The following ARHGAP35 variants were observed in gnomAD, a reference collection of about 807,000 sequenced individuals.
ARHGAP35 encodes rho GTPase-activating protein 35.
In ARHGAP35, 15 loss-of-function variants were observed where a neutral mutation model predicts 111.1. The observed-to-expected ratio is 0.13, with a 90% confidence interval of 0.09 to 0.21. The LOEUF (loss-of-function observed/expected upper bound fraction) is 0.21. Among genes scored for constraint, ARHGAP35 ranks in the 10% least tolerant of loss-of-function variants. ARHGAP35 has a pLI of 1.00. For missense variants in ARHGAP35, 1,262 were observed against 1,873.0 expected (o/e 0.67, Z 6.02); for synonymous variants, 643 against 710.3 (o/e 0.91, Z 1.51).
intron 1 of ARHGAP35, among the ~76,000 whole-genome samples, chr19:46,880,618 T>C (rs925077442): frequency 6.6e-6 from 1 of 152,152 alleles, no homozygotes; most frequent in Non-Finnish European, 1.5e-5. Flanking sequence ...TCCAAATTCC[T>C]GTTAATGTTG....
Position 46,999,106 on chromosome 19 carries a change from C to T in ARHGAP35, c.4037-198C>T. Reference sequence around the variant, plus strand: ...CGCCCTTCAGCGGGGGCCTGGGACACAGAGGTGGGCCAGACCCCTGGGCCA... The same window carrying T: ...CGCCCTTCAGCGGGGGCCTGGGACATAGAGGTGGGCCAGACCCCTGGGCCA... On this transcript the variant is annotated intron_variant, in intron 5 of 6. Coordinates refer to ENST00000672722, the MANE Select transcript of ARHGAP35 (RefSeq NM_004491.5). This position sits in a 1 kb window ranked among gnomAD's most constrained non-coding sequence, Gnocchi z 5.4. 1.7e-6 allele frequency: 1 copy of T among 571,780 alleles called. No individual in the cohort carries two copies. The highest frequency in any genetic ancestry group is 3.1e-6 in the Non-Finnish European group (1 of 321,556). The allele number at this position is 571,780 out of a possible 1,614,324, so 35.4% of individuals were successfully genotyped here. A position where few individuals can be genotyped will look rare whatever the true frequency, so the allele number is the denominator to read the frequency against.
chr19:46,928,229 T>TA (rs555299788), intron 2 of ARHGAP35, among the ~76,000 whole-genome samples: 1 of 151,610 alleles, frequency 6.6e-6, no homozygotes, highest in African/African-American at 2.4e-5. Context: ...TACCTGTTCT[T>TA]AAAAAAAAAT....
intron 3 of ARHGAP35, among the ~76,000 whole-genome samples, chr19:46,939,363 G>T (rs2056330899): frequency 1.4e-5 from 2 of 147,812 alleles, no homozygotes; most frequent in South Asian, 4.3e-4. Context: ...GGTGTGATAT[G>T]CACCTTTACA....
Position 46,921,762 on chromosome 19 carries a change from T to C in ARHGAP35, c.3087T>C (p.Phe1029=). ...GGCTGTCTTTCATTATGAGCAATTT[T>C]GAGAGTAAACTGAACAACAAAGTAC... ...NDGLSFIMSN[F]ESKLNNKVPP... is the part of the protein sequence containing the mutation. The change falls in exon 2 of 7, where the codon TTT becomes TTC. Residue 1029 remains phenylalanine, a synonymous_variant. Coordinates refer to ENST00000672722, the MANE Select transcript of ARHGAP35 (RefSeq NM_004491.5). This position sits in a 1 kb window ranked among gnomAD's most constrained non-coding sequence, Gnocchi z 4.3. 6.2e-7 allele frequency: 1 copy of C among 1,614,022 alleles called. No individual in the cohort carries two copies. Among genetic ancestry groups the C allele is most frequent in the Non-Finnish European group, 8.5e-7 (1 of 1,179,888 alleles).
intron 1 of ARHGAP35, among the ~76,000 whole-genome samples, chr19:46,906,734 A>G (rs371511105): frequency 1.3e-5 from 2 of 152,206 alleles, no homozygotes; most frequent in East Asian, 3.8e-4. Flanking sequence ...ATATCTCCTT[A>G]GTCTCAAAGC....
chr19:46,917,254 T>A (rs1258291841), intron 1 of ARHGAP35, among the ~76,000 whole-genome samples: 1 of 152,218 alleles, frequency 6.6e-6, no homozygotes, highest in Non-Finnish European at 1.5e-5. Flanking sequence ...TTTTTGTGAC[T>A]GGCTTATTTC....
chr19:46,921,019 C>G lies in ARHGAP35; in HGVS notation c.2344C>G (p.Leu782Val). 1 of 1,614,002 alleles carries G rather than the reference C, an allele frequency of 6.2e-7. No individual in the cohort carries two copies. The highest frequency in any genetic ancestry group is 8.5e-7 in the Non-Finnish European group (1 of 1,179,902). ...ASIKDLADVD[L>V]RIVMCLMCGD... ...CATCAAAGATTTGGCTGATGTTGAT[C>G]TGCGAATTGTTATGTGTCTGATGTG... Residue 782 changes from leucine to valine, a missense_variant, in exon 2 of 7, where the codon CTG becomes GTG. Physicochemically the swap from Leu to Val is conservative, Grantham distance 32. Around this residue, in one of 8 missense-constraint regions of ARHGAP35, gnomAD observed 579 missense variants for 716.9 expected, o/e 0.81. Coordinates refer to ENST00000672722, the MANE Select transcript of ARHGAP35 (RefSeq NM_004491.5). This position sits in a 1 kb window ranked among gnomAD's most constrained non-coding sequence, Gnocchi z 4.3.
At chr19:46,981,714 C>T (rs899887540) in intron 3 of ARHGAP35, among the ~76,000 whole-genome samples, 2 of 152,230 alleles carry the variant, frequency 1.3e-5, no homozygotes, top group Non-Finnish European at 2.9e-5. Flanking sequence ...CACCACAGCT[C>T]TGACAGGGCA....
rs376886137 is a variant in ARHGAP35 at position 46,896,288 on chromosome 19, G to A, written c.-188-22200G>A. ...GTGTGCACCTGTAGTCCCAGCTGAG[G>A]TGTATCACCGGAGCCCGGGAGGTCA... On this transcript the variant is annotated intron_variant, in intron 1 of 6. Transcript: ENST00000672722. Among the ~76,000 whole-genome samples the A allele has an allele frequency of 3.0e-4, 45 of 152,248 alleles. No individual in the cohort carries two copies. In the East Asian group the frequency reaches 3.3e-3, roughly 11 times the overall value.
rs2056606223 is a variant in ARHGAP35 at position 46,979,143 on chromosome 19, G to A, written c.3827-8846G>A. 2.0e-5 allele frequency among the ~76,000 whole-genome samples: 3 copies of A among 151,932 alleles called. No individual in the cohort carries two copies. In the South Asian group the frequency reaches 6.2e-4, roughly 32 times the overall value. ...GGTGGATGTAGTACACCTGTATTGT[G>A]CTCGCGGTCTGTTTCTTTGTTGGTG... On this transcript the variant is annotated intron_variant, in intron 3 of 6. Transcript: ENST00000672722.
rs12610835 is a variant in ARHGAP35, at chr19:46,885,576, C to T, written c.-189+24367C>T. ...GTTTTTATTAATGTGGGGTTAATGC[C>T]GGTGATTTCATATACTAACCTTGAT... On this transcript the variant is annotated intron_variant, in intron 1 of 6. Transcript: ENST00000672722. Among the ~76,000 whole-genome samples the T allele has an allele frequency of 1.5e-3, 235 of 152,156 alleles. 4 individuals are homozygous for T. The East Asian group carries it at 0.04, about 26-fold the overall frequency.
chr19:46,876,047 T>G (rs1174775345), intron 1 of ARHGAP35, among the ~76,000 whole-genome samples: 1 of 152,116 alleles, frequency 6.6e-6, no homozygotes, highest in African/African-American at 2.4e-5. Context: ...CTCTGCACCC[T>G]CCGACAAGGC....
At chr19:46,940,874 C>A (rs927913438) in intron 3 of ARHGAP35, among the ~76,000 whole-genome samples, 10 of 152,130 alleles carry the variant, frequency 6.6e-5, no homozygotes, top group African/African-American at 2.4e-4. Flanking sequence ...TCTCTGCTGC[C>A]CACCATCACC....
chr19:46,963,229 T>C (rs2056494918), intron 3 of ARHGAP35, among the ~76,000 whole-genome samples: 1 of 152,136 alleles, frequency 6.6e-6, no homozygotes, highest in South Asian at 2.1e-4. Context: ...CATAGTATGA[T>C]TTTGAGCACT....
At chr19:46,956,662 G>A (rs2056441017) in intron 3 of ARHGAP35, among the ~76,000 whole-genome samples, 1 of 152,104 alleles carries the variant, frequency 6.6e-6, no homozygotes, top group Admixed American at 6.5e-5. Flanking sequence ...TATTTTGGTT[G>A]AGGGCTGCTC....
intron 1 of ARHGAP35, among the ~76,000 whole-genome samples, chr19:46,910,725 G>C (rs2056133515): frequency 1.3e-5 from 2 of 152,092 alleles, no homozygotes; most frequent in South Asian, 4.1e-4. Flanking sequence ...CGGTAGCTGG[G>C]ACAACAGGTA....
At chr19:46,966,835 A>G (rs755678594) in intron 3 of ARHGAP35, among the ~76,000 whole-genome samples, 3 of 152,160 alleles carry the variant, frequency 2.0e-5, no homozygotes, top group Non-Finnish European at 4.4e-5. Context: ...GAAAATTAAT[A>G]TCTCTCCACA....
intron 1 of ARHGAP35, among the ~76,000 whole-genome samples, chr19:46,863,115 A>G (rs757468435): frequency 7.1e-6 from 1 of 141,686 alleles, no homozygotes; most frequent in Non-Finnish European, 1.5e-5. Context: ...TTTAGTTCCT[A>G]TCAGACCTGC....
intron 1 of ARHGAP35, among the ~76,000 whole-genome samples, chr19:46,895,960 G>T (rs933315085): frequency 3.9e-5 from 6 of 152,018 alleles, no homozygotes; most frequent in Non-Finnish European, 8.8e-5. Context: ...TAATTGGCTG[G>T]GCTTAGTGGC....
Sources: allele counts gnomAD v4.1 joint callset (sites outside exome capture counted in the v4.1 genomes callset), GRCh38; gene constraint gnomAD v4.1.1; regional missense constraint gnomAD v4.1.1; non-coding constraint Gnocchi (gnomAD v3.1); transcripts MANE v1.5; gene names NCBI Gene and HGNC (gene_info 2026-07-23, HGNC 2026-07-21).